Variants in PPT1 observed in about 807,000 individuals in gnomAD.
PPT1 encodes palmitoyl-protein thioesterase 1.
In PPT1, 24 loss-of-function variants were observed where a neutral mutation model predicts 44.0. The observed-to-expected ratio is 0.54, with a 90% CI of 0.39 to 0.77. PPT1 has a LOEUF of 0.77. Ranked by LOEUF, PPT1 falls within the 30% of genes least tolerant of loss-of-function variation. The pLI is 0.00. For synonymous variants in PPT1, 148 were observed against 140.2 expected, an observed-to-expected ratio of 1.06 and a Z score of -0.39; for missense variants, 341 against 378.8, an observed-to-expected ratio of 0.90 and a Z score of 0.83.
intron 5 of PPT1, among the ~76,000 whole-genome samples, chr1:40,088,135 C>A (rs1257745732): frequency 6.6e-6 from 1 of 151,768 alleles, no homozygotes; most frequent in Non-Finnish European, 1.5e-5. Context: ...TCAGACCTAC[C>A]ATCAAAACTT....
rs1397246869 is a variant in PPT1 at position 40,073,944 on chromosome 1, TAGAA to T, written c.*113_*116del. The T allele has an allele frequency of 7.4e-7, 1 of 1,349,240 alleles. No homozygotes were observed. The highest frequency in any genetic ancestry group is 1.4e-5 in the African/African-American group (1 of 69,508). The allele number at this position is 1,349,240 out of a possible 1,614,324, so 83.6% of individuals were successfully genotyped here. A position where few individuals can be genotyped will look rare whatever the true frequency, so the allele number is the denominator to read the frequency against. On this transcript the variant is annotated 3_prime_UTR_variant, in exon 9 of 9. Coordinates refer to ENST00000642050, the MANE Select transcript of PPT1 (RefSeq NM_000310.4). ...TTTCCAAGTAGGGCATGTTAGATGA[TAGAA>T]GGATTAGTTGCAAGCTGGATCTGAG...
intron 8 of PPT1, 46 bp downstream of exon 8, chr1:40,076,796 A>T (rs1486611691): frequency 6.2e-7 from 1 of 1,613,550 alleles, no homozygotes; most frequent in Non-Finnish European, 8.5e-7. Flanking sequence ...AGGAACTGGG[A>T]GCTGAAAAAA....
intron 5 of PPT1, among the ~76,000 whole-genome samples, chr1:40,080,929 C>T (rs1348942224): frequency 6.6e-6 from 1 of 152,142 alleles, no homozygotes; most frequent in Non-Finnish European, 1.5e-5. Flanking sequence ...CCCTTTAATA[C>T]AGAAGACAAG....
intron 1 of PPT1, among the ~76,000 whole-genome samples, chr1:40,093,370 T>C (rs936604724): frequency 2.2e-5 from 1 of 45,692 alleles, no homozygotes; most frequent in African/African-American, 4.9e-5. Context: ...CAAGAAGTAG[T>C]AGGAGGGGGC....
chr1:40,072,103 C>G, downstream of PPT1: 1 of 401,076 alleles, frequency 2.5e-6, no homozygotes, highest in Non-Finnish European at 4.4e-6. Flanking sequence ...TCTATTCTAT[C>G]CTGGGTCTGC....
chr1:40,084,952 A>G (rs1649177590), intron 5 of PPT1, among the ~76,000 whole-genome samples: 1 of 152,170 alleles, frequency 6.6e-6, no homozygotes, highest in Non-Finnish European at 1.5e-5. Context: ...GTCTAGTGGT[A>G]GCGTCAGTGC....
In PPT1 at chr1:40,091,933, T is replaced by C; in HGVS notation, c.362+112A>G. The C allele has an allele frequency of 2.9e-6, 4 of 1,367,752 alleles. No individual in the cohort carries two copies. In the East Asian group the frequency reaches 7.1e-5, roughly 24 times the overall value. 84.7% of individuals were successfully genotyped at this position (1,367,752 alleles called of 1,614,324 possible). A position where few individuals can be genotyped will look rare whatever the true frequency, so the allele number is the denominator to read the frequency against. ...TCTTACACAGGAACATTTTAGGAAA[T>C]TTCCCTTCCAAGATAGGTGACAATC... On this transcript the variant is annotated intron_variant, in intron 3 of 8. Coordinates refer to ENST00000642050, the MANE Select transcript of PPT1 (RefSeq NM_000310.4).
At chr1:40,086,664 G>A (rs1225188457) in intron 5 of PPT1, among the ~76,000 whole-genome samples, 1 of 152,194 alleles carries the variant, frequency 6.6e-6, no homozygotes, top group Non-Finnish European at 1.5e-5. Flanking sequence ...GGGACAAAGA[G>A]AGTCTAGCCT....
At chr1:40,087,990 G>A (rs1649352428) in intron 5 of PPT1, among the ~76,000 whole-genome samples, 1 of 152,172 alleles carries the variant, frequency 6.6e-6, no homozygotes, top group Admixed American at 6.5e-5. Flanking sequence ...ACATGAGTCA[G>A]TCACAAGGCT....
rs1434327787 is a variant in PPT1 at position 40,092,039 on chromosome 1, A to T, written c.362+6T>A. On this transcript the variant is annotated splice_donor_region_variant and intron_variant, in intron 3 of 8. Coordinates refer to ENST00000642050, the MANE Select transcript of PPT1 (RefSeq NM_000310.4). ...AAGTGGTACAATATAACAAAAAGGA[A>T]CGTACAGAAATTGGCCTCCCTGGGA... 1 of 1,614,010 alleles carries T rather than the reference A, an allele frequency of 6.2e-7. No homozygotes were observed. Among genetic ancestry groups the T allele is most frequent in the South Asian group, 1.1e-5 (1 of 91,082 alleles).
chr1:40,086,605 G>A (rs1049224225), intron 5 of PPT1, among the ~76,000 whole-genome samples: 9 of 152,150 alleles, frequency 5.9e-5, no homozygotes, highest in African/African-American at 2.2e-4. Flanking sequence ...AGCAGAGGGG[G>A]AGACCTGACC....
At chr1:40,093,349 C>T (rs1191081272) in intron 1 of PPT1, among the ~76,000 whole-genome samples, 1 of 147,176 alleles carries the variant, frequency 6.8e-6, no homozygotes, top group African/African-American at 2.5e-5. Context: ...GAAAACTAAG[C>T]TGGAGATTAT....
At position 40,073,760 on chromosome 1, in the gene PPT1, T is replaced by C. The variant is rs564022326; in HGVS notation, c.*301A>G. Reference sequence around the variant, plus strand: ...TTTAGTTAGTTGTCTCCTTTGGGCCTGGGCACAGTTCTGGCACTGATCTGG... The same window carrying C: ...TTTAGTTAGTTGTCTCCTTTGGGCCCGGGCACAGTTCTGGCACTGATCTGG... On this transcript the variant is annotated 3_prime_UTR_variant, in exon 9 of 9. Transcript: ENST00000642050. 4 of 390,856 alleles carry C rather than the reference T, an allele frequency of 1.0e-5. No homozygotes were observed. The highest frequency in any genetic ancestry group is 1.9e-5 in the Non-Finnish European group (4 of 207,666). The allele number at this position is 390,856 out of a possible 1,614,324, so 24.2% of individuals were successfully genotyped here. A position where few individuals can be genotyped will look rare whatever the true frequency, so the allele number is the denominator to read the frequency against.
chr1:40,089,649 C>T lies in PPT1; in HGVS notation c.434-137G>A, dbSNP rs3131651. On this transcript the variant is annotated intron_variant, in intron 4 of 8. Transcript: ENST00000642050. The stretch of plus-strand genomic sequence containing the variant: ...TCACTTATTCCTCATGAAAATAAAG[C>T]GCAGAGAACTAATACTATCACCAGC... The T allele has an allele frequency of 0.56, 401,782 of 718,880 alleles. 116,544 individuals carry two copies. The highest frequency in any genetic ancestry group is 0.62 in the Non-Finnish European group (247,817 of 400,426). The allele number at this position is 718,880 out of a possible 1,614,324, so 44.5% of individuals were successfully genotyped here.
At chr1:40,097,038 C>T in intron 1 of PPT1, 77 bp downstream of exon 1, 1 of 1,612,066 alleles carries the variant, frequency 6.2e-7, no homozygotes, top group Non-Finnish European at 8.5e-7. Context: ...GCCCTCTACA[C>T]CCGCATTTTG....
intron 4 of PPT1, among the ~76,000 whole-genome samples, chr1:40,090,452 C>T (rs371256628): frequency 1.4e-5 from 2 of 145,166 alleles, no homozygotes; most frequent in African/African-American, 5.1e-5. Context: ...ATATATATGT[C>T]TATGTATGTA....
chr1:40,080,224 A>G (rs924915786), intron 6 of PPT1, among the ~76,000 whole-genome samples, 173 bp downstream of exon 6: 1 of 152,152 alleles, frequency 6.6e-6, no homozygotes, highest in Non-Finnish European at 1.5e-5. Context: ...ATGAATTTCA[A>G]CCTCCCTAAA....
intron 5 of PPT1, chr1:40,082,245 G>A (rs920860294): frequency 6.6e-6 from 1 of 152,182 alleles, no homozygotes; most frequent in Non-Finnish European, 1.5e-5. Context: ...CCACTCGGTG[G>A]AGCAGGCTGG....
At chr1:40,090,223 C>T (rs1649484026) in intron 4 of PPT1, among the ~76,000 whole-genome samples, 1 of 152,122 alleles carries the variant, frequency 6.6e-6, no homozygotes, top group African/African-American at 2.4e-5. Context: ...AATTACAGCA[C>T]ACCACAGTGT....
Sources: allele counts gnomAD v4.1 joint callset (sites outside exome capture counted in the v4.1 genomes callset), GRCh38; gene constraint gnomAD v4.1.1; transcripts MANE v1.5; gene names NCBI Gene and HGNC (gene_info 2026-07-23, HGNC 2026-07-21).